Variants in SLC9A2 observed in about 807,000 individuals in gnomAD.
SLC9A2 encodes solute carrier family 9 member A2.
A neutral mutation model predicts 71.7 loss-of-function variants in SLC9A2; 42 were observed. The observed-to-expected ratio is 0.59, with a 90% CI of 0.46 to 0.76. The LOEUF (loss-of-function observed/expected upper bound fraction) is 0.76, where lower values mean the gene tolerates loss of function less well. Among genes scored for constraint, SLC9A2 ranks in the 30% least tolerant of loss-of-function variants. The pLI is 0.00. For synonymous variants in SLC9A2, 396 were observed against 392.5 expected (o/e 1.01, Z -0.10); for missense variants, 829 against 1,017.4 (o/e 0.81, Z 2.52).
intron 7 of SLC9A2, among the ~76,000 whole-genome samples, chr2:102,696,564 A>T (rs1677772910): frequency 6.6e-6 from 1 of 152,174 alleles, no homozygotes; most frequent in Non-Finnish European, 1.5e-5. Flanking sequence ...TATCACAGAC[A>T]CAACAAAACC....
At chr2:102,689,222 A>G (rs977943114) in intron 5 of SLC9A2, among the ~76,000 whole-genome samples, 1 of 152,160 alleles carries the variant, frequency 6.6e-6, no homozygotes, top group Non-Finnish European at 1.5e-5. Flanking sequence ...ATGTCTGCCC[A>G]TGTCATGGGC....
intron 5 of SLC9A2, chr2:102,689,829 A>G (rs1277978723): frequency 6.6e-6 from 1 of 152,226 alleles, no homozygotes; most frequent in African/African-American, 2.4e-5. Context: ...GGAGAGTATT[A>G]GGTTTGAAGG....
At chr2:102,639,110 G>A (rs1365837412) in intron 1 of SLC9A2, among the ~76,000 whole-genome samples, 2 of 152,202 alleles carry the variant, frequency 1.3e-5, no homozygotes, top group Non-Finnish European at 2.9e-5. Flanking sequence ...CTTGAGCCTA[G>A]GAGCTGGAGG....
intron 5 of SLC9A2, among the ~76,000 whole-genome samples, chr2:102,688,404 G>A (rs1028169513): frequency 2.0e-5 from 3 of 152,098 alleles, no homozygotes; most frequent in African/African-American, 7.2e-5. Context: ...TTTGCCTCAC[G>A]AGTTGCCATG....
intron 1 of SLC9A2, among the ~76,000 whole-genome samples, chr2:102,632,214 A>G (rs1226731398): frequency 1.4e-5 from 2 of 141,786 alleles, no homozygotes; most frequent in Non-Finnish European, 3.0e-5. Flanking sequence ...GGATATAAAT[A>G]TATATATTTA....
chr2:102,683,402 C>T lies in SLC9A2; in HGVS notation c.1146C>T (p.Thr382=), dbSNP rs894966235. Reference sequence around the variant, plus strand: ...TCTTCATCTTCATGGGTGTGTCTACCGTGGGCAAGAACCACGAGTGGAACT... The same window carrying T: ...TCTTCATCTTCATGGGTGTGTCTACTGTGGGCAAGAACCACGAGTGGAACT... ...TLIFIFMGVS[T]VGKNHEWNWA... The change falls in exon 4 of 12, where the codon ACC becomes ACT. Residue 382 remains threonine (T), a synonymous_variant. Coordinates refer to ENST00000233969, the MANE Select transcript of SLC9A2 (RefSeq NM_003048.6). The T allele has an allele frequency of 4.3e-6, 7 of 1,614,160 alleles. No homozygotes were observed. The highest frequency in any genetic ancestry group is 2.2e-5 in the South Asian group (2 of 91,076).
chr2:102,644,431 C>A (rs188354390), intron 1 of SLC9A2, among the ~76,000 whole-genome samples: 10 of 152,274 alleles, frequency 6.6e-5, no homozygotes, highest in Admixed American at 5.9e-4. Context: ...GGCTCCCCCC[C>A]GCCCAGTGGC....
chr2:102,705,000 G>A (rs1281101912), intron 10 of SLC9A2, among the ~76,000 whole-genome samples: 1 of 152,074 alleles, frequency 6.6e-6, no homozygotes, highest in Non-Finnish European at 1.5e-5. Context: ...TCAGGAGTTC[G>A]AGACCAGCCT....
chr2:102,695,770 A>AATATATAGTAT (rs1677744556), intron 7 of SLC9A2, among the ~76,000 whole-genome samples: 2 of 99,668 alleles, frequency 2.0e-5, no homozygotes, highest in Non-Finnish European at 4.3e-5. Context: ...ATATATATAT[A>AATATATAGTAT]ATATATATTA....
rs986232464 is a variant in SLC9A2, at chr2:102,710,766, C to T, written c.*2277C>T. 6.6e-5 allele frequency: 10 copies of T among 152,252 alleles called. No individual in the cohort carries two copies. The highest frequency in any genetic ancestry group is 2.4e-4 in the African/African-American group (10 of 41,430). The allele number at this position is 152,252 out of a possible 1,614,324, so 9.4% of individuals were successfully genotyped here. On this transcript the variant is annotated 3_prime_UTR_variant, in exon 12 of 12. Coordinates refer to ENST00000233969, the MANE Select transcript of SLC9A2 (RefSeq NM_003048.6). ...TTCACAATCTAAATATTGTCACAATCTAAATTTCTGTAGTAGAGAGAGCCG... is the reference window on the plus strand; with the variant it reads ...TTCACAATCTAAATATTGTCACAATTTAAATTTCTGTAGTAGAGAGAGCCG...
intron 1 of SLC9A2, among the ~76,000 whole-genome samples, chr2:102,650,162 C>A (rs977155796): frequency 6.6e-6 from 1 of 152,182 alleles, no homozygotes; most frequent in Non-Finnish European, 1.5e-5. Context: ...AGTTCATGTC[C>A]TTTGCAGGGA....
intron 4 of SLC9A2, among the ~76,000 whole-genome samples, chr2:102,683,901 G>A (rs532563708): frequency 6.6e-6 from 1 of 151,780 alleles, no homozygotes; most frequent in Admixed American, 6.6e-5. Flanking sequence ...TTTGTTATAA[G>A]TCAGATTAGT....
chr2:102,695,793 ATATATATT>A lies in SLC9A2; in HGVS notation c.1586+681_1586+688del, dbSNP rs1454071752. 5.2e-3 allele frequency among the ~76,000 whole-genome samples: 209 copies of A among 40,052 alleles called. 7 individuals are homozygous for A. The highest frequency in any genetic ancestry group is 0.016 in the African/African-American group (198 of 12,430). 26.3% of individuals were successfully genotyped at this position (40,052 alleles called of 152,430 possible). Reference sequence around the variant, plus strand: ...ATAATATATATTATATATATATTATATATATATTATATATATATATAATATATATATAA... The same window carrying A: ...ATAATATATATTATATATATATTATAATATATATATATAATATATATATAA... On this transcript the variant is annotated intron_variant, in intron 7 of 11. Transcript: ENST00000233969.
At chr2:102,635,058 GT>G in intron 1 of SLC9A2, among the ~76,000 whole-genome samples, 1 of 152,290 alleles carries the variant, frequency 6.6e-6, no homozygotes, top group East Asian at 1.9e-4. Context: ...TACAAATAGT[GT>G]TTCTTTCAGA....
chr2:102,699,655 G>C (rs1274817136), intron 7 of SLC9A2, among the ~76,000 whole-genome samples: 1 of 152,182 alleles, frequency 6.6e-6, no homozygotes, highest in Non-Finnish European at 1.5e-5. Context: ...AAGATTTGGA[G>C]TACTAGTCTG....
intron 1 of SLC9A2, among the ~76,000 whole-genome samples, chr2:102,645,868 G>C (rs1267280518): frequency 6.6e-6 from 1 of 152,104 alleles, no homozygotes; most frequent in Non-Finnish European, 1.5e-5. Flanking sequence ...AATCAAGGTG[G>C]AAAACACCCT....
In SLC9A2 at chr2:102,683,457, T is replaced by A; in HGVS notation, c.1201T>A (p.Cys401Ser). The A allele has an allele frequency of 1.2e-6, 2 of 1,614,196 alleles. No homozygotes were observed. Among genetic ancestry groups the A allele is most frequent in the East Asian group, 4.5e-5 (2 of 44,876 alleles). ...CTTCGTCTGCTTCACCCTGGCCTTC[T>A]GCCTCATGTGGCGAGCCCTGGGTAA... is the stretch of plus-strand genomic sequence containing the variant. ...WAFVCFTLAF[C>S]LMWRALGVFV... is the part of the protein sequence containing the mutation. The change falls in exon 4 of 12, where the codon TGC becomes AGC. Residue 401 changes from cysteine (C) to serine (S), a missense_variant. By Grantham distance (112) the Cys-to-Ser change is moderately radical. This residue lies in a region of SLC9A2 where 500 missense variants were observed against 726.3 expected (regional missense o/e 0.69). Transcript: ENST00000233969.
chr2:102,704,879 T>C (rs998142894), intron 10 of SLC9A2, among the ~76,000 whole-genome samples: 1 of 152,056 alleles, frequency 6.6e-6, no homozygotes, highest in Non-Finnish European at 1.5e-5. Context: ...GAACTGTCAA[T>C]AGATAAGGAA....
rs1444901586 is a variant in SLC9A2, at chr2:102,708,368, C to G, written c.2318C>G (p.Ser773Cys). ...LQQPLLSKDQ[S>C]GSEREDSLTE... Reference sequence around the variant, plus strand: ...CAGCCCCTTCTCTCTAAAGACCAGTCTGGCTCAGAGAGGGAAGACAGTTTG... The same window carrying G: ...CAGCCCCTTCTCTCTAAAGACCAGTGTGGCTCAGAGAGGGAAGACAGTTTG... The change falls in exon 12 of 12, where the codon TCT becomes TGT. Residue 773 changes from serine (S) to cysteine (C), a missense_variant. Ser to Cys is a moderately radical substitution (Grantham distance 112, BLOSUM62 -1). This residue lies in a region of SLC9A2 where 223 missense variants were observed against 197.5 expected (regional missense o/e 1.13). Coordinates refer to ENST00000233969, the MANE Select transcript of SLC9A2 (RefSeq NM_003048.6). 1 of 1,614,228 alleles carries G rather than the reference C, an allele frequency of 6.2e-7. No individual in the cohort carries two copies. The highest frequency in any genetic ancestry group is 8.5e-7 in the Non-Finnish European group (1 of 1,180,046).
Sources: allele counts gnomAD v4.1 joint callset (sites outside exome capture counted in the v4.1 genomes callset), GRCh38; gene constraint gnomAD v4.1.1; regional missense constraint gnomAD v4.1.1; transcripts MANE v1.5; gene names NCBI Gene and HGNC (gene_info 2026-07-23, HGNC 2026-07-21).